Variants in NR2E3 observed in about 807,000 individuals in gnomAD.
The protein encoded by NR2E3 is photoreceptor-specific nuclear receptor.
A neutral mutation model predicts 37.6 loss-of-function variants in NR2E3; 38 were observed. That is an observed-to-expected ratio of 1.01 (90% CI 0.78 to 1.33). NR2E3 has a LOEUF of 1.33. Ranked by LOEUF, NR2E3 falls within the 40% of genes most tolerant of loss-of-function variation. NR2E3 has a pLI of 0.00. For synonymous variants in NR2E3, 235 were observed against 225.1 expected, an observed-to-expected ratio of 1.04 and a Z score of -0.39; for missense variants, 562 against 558.7, an observed-to-expected ratio of 1.01 and a Z score of -0.06.
In NR2E3 at chr15:71,811,559, C is replaced by G. The variant is rs367603365; in HGVS notation, c.195C>G (p.Asn65Lys). The G allele has an allele frequency of 1.1e-5, 17 of 1,600,386 alleles. No individual in the cohort carries two copies. The Admixed American group carries it at 2.1e-4, about 20-fold the overall frequency. ...AGCACTATGGCATCTATGCCTGCAACGGCTGCAGCGGCTTCTTCAAGAGGA... is the reference window on the plus strand; with the variant it reads ...AGCACTATGGCATCTATGCCTGCAAGGGCTGCAGCGGCTTCTTCAAGAGGA... ...SGKHYGIYAC[N>K]GCSGFFKRSV... Residue 65 changes from asparagine (N) to lysine (K), a missense_variant, in exon 2 of 8, where the codon AAC (asparagine) becomes AAG (lysine). Coordinates refer to ENST00000617575, the MANE Select transcript of NR2E3 (RefSeq NM_014249.4). The surrounding 1 kb of genome is among the most constrained non-coding windows in gnomAD (Gnocchi z 5.6).
Position 71,812,461 on chromosome 15 carries a change from A to G in NR2E3, c.697A>G (p.Lys233Glu). The change falls in exon 5 of 8, where the codon AAG (lysine) becomes GAG (glutamate). Residue 233 changes from lysine to glutamate, a missense_variant. Lys to Glu is a moderately conservative substitution (Grantham distance 56). Transcript: ENST00000617575. Reference sequence around the variant, plus strand: ...GGCTCGCCTACTCTTCATGGCCGTCAAGTGGGCCAAGAACCTGCCTGTGTT... The same window carrying G: ...GGCTCGCCTACTCTTCATGGCCGTCGAGTGGGCCAAGAACCTGCCTGTGTT... ...TSARLLFMAV[K>E]WAKNLPVFSS... is the part of the protein sequence containing the mutation. 1 of 1,613,854 alleles carries G rather than the reference A, an allele frequency of 6.2e-7. No individual in the cohort carries two copies. The highest frequency in any genetic ancestry group is 1.7e-4 in the Middle Eastern group (1 of 6,060).
intron 7 of NR2E3, chr15:71,814,519 A>T (rs1047795688): frequency 3.0e-6 from 3 of 1,003,342 alleles, no homozygotes; most frequent in Admixed American, 5.5e-5. Context: ...AAAGGGAGAG[A>T]GGGGCAAGCA....
Position 71,813,151 on chromosome 15 carries a change from G to A in NR2E3, c.748-238G>A, listed in dbSNP as rs1380774122. Among the ~76,000 whole-genome samples the A allele has an allele frequency of 6.6e-6, 1 of 152,212 alleles. No homozygotes were observed. The highest frequency in any genetic ancestry group is 1.5e-5 in the Non-Finnish European group (1 of 68,052). ...GCTGCCCAACTTCCAATGGCTCTGG[G>A]CGTTCCTAAATGTCCCAGCTGCAGC... is the stretch of plus-strand genomic sequence containing the variant. On this transcript the variant is annotated intron_variant, in intron 5 of 7. Transcript: ENST00000617575. This position sits in a 1 kb window ranked among gnomAD's most constrained non-coding sequence, Gnocchi z 4.7.
At chr15:71,812,695 C>T (rs144693933) in intron 5 of NR2E3, among the ~76,000 whole-genome samples, 184 bp downstream of exon 5, 9 of 152,198 alleles carry the variant, frequency 5.9e-5, no homozygotes, top group East Asian at 5.8e-4. Flanking sequence ...GGGATGGTGA[C>T]GGTGGGGGTG....
At position 71,810,609 on chromosome 15, in the gene NR2E3, G is replaced by T; in HGVS notation, c.-135G>T. ...TGAGGGGCTTCGGGACCTTGGGGCA[G>T]CTCCTGAGTTCAGACAGAGTTCAGG... On this transcript the variant is annotated 5_prime_UTR_variant, in exon 1 of 8. Transcript: ENST00000617575. 7.4e-7 allele frequency: 1 copy of T among 1,352,218 alleles called. No individual in the cohort carries two copies. 83.8% of individuals were successfully genotyped at this position (1,352,218 alleles called of 1,614,324 possible).
intron 7 of NR2E3, chr15:71,814,543 G>C: frequency 1.0e-6 from 1 of 981,772 alleles, no homozygotes; most frequent in Non-Finnish European, 1.2e-6. Flanking sequence ...TATGTTGTTA[G>C]AACAGGAGCC....
intron 5 of NR2E3, among the ~76,000 whole-genome samples, 166 bp downstream of exon 5, chr15:71,812,677 G>C (rs977110189): frequency 1.3e-5 from 2 of 152,180 alleles, no homozygotes; most frequent in African/African-American, 2.4e-5. Context: ...TGGCTGGGGT[G>C]CATCTCAGGG....
chr15:71,814,281 G>C, intron 7 of NR2E3, 164 bp downstream of exon 7: 2 of 1,417,002 alleles, frequency 1.4e-6, no homozygotes. Flanking sequence ...CAGGCCCCGG[G>C]AGTGGGGACC....
In NR2E3 at chr15:71,812,330, C is replaced by T. The variant is rs948094961; in HGVS notation, c.572-6C>T. On this transcript the variant is annotated splice_polypyrimidine_tract_variant and splice_region_variant and intron_variant, in intron 4 of 7. Coordinates refer to ENST00000617575, the MANE Select transcript of NR2E3 (RefSeq NM_014249.4). ...GCGCTAAGATCACAACCTCCTCCTC[C>T]AACAGCTGATGAGAATATTGATGTC... 8 of 1,613,966 alleles carry T rather than the reference C, an allele frequency of 5.0e-6. No individual in the cohort carries two copies. The highest frequency in any genetic ancestry group is 1.1e-5 in the South Asian group (1 of 91,078).
chr15:71,812,236 T>C, intron 4 of NR2E3, 60 bp downstream of exon 4: 2 of 1,605,758 alleles, frequency 1.2e-6, no homozygotes, highest in Non-Finnish European at 1.7e-6. Flanking sequence ...ACAGCAGGGC[T>C]GCAGCGCCTT....
At position 71,811,473 on chromosome 15, in the gene NR2E3, T is replaced by TGCCCCTCAGGCGTGA; in HGVS notation, c.119-2_131dup. 1 of 1,550,662 alleles carries TGCCCCTCAGGCGTGA rather than the reference T, an allele frequency of 6.4e-7. No individual in the cohort carries two copies. Among genetic ancestry groups the TGCCCCTCAGGCGTGA allele is most frequent in the Admixed American group, 2.0e-5 (1 of 51,018 alleles). ...CCTGCCCTGGCCCAGCCCTGCCCCC[T>TGCCCCTCAGGCGTGA]GCCCCTCAGGCGTGAGCCCCTCGCT... is the stretch of plus-strand genomic sequence containing the variant. On this transcript the variant is annotated splice_polypyrimidine_tract_variant and intron_variant, in intron 1 of 7. Transcript: ENST00000617575. This position sits in a 1 kb window ranked among gnomAD's most constrained non-coding sequence, Gnocchi z 5.6.
intron 7 of NR2E3, 164 bp downstream of exon 7, chr15:71,814,281 G>A: frequency 1.4e-6 from 2 of 1,417,002 alleles, no homozygotes; most frequent in Non-Finnish European, 1.8e-6. Flanking sequence ...CAGGCCCCGG[G>A]AGTGGGGACC....
chr15:71,811,502 G>T lies in NR2E3; in HGVS notation c.138G>T (p.Gln46His). Residue 46 changes from glutamine (Q) to histidine (H), a missense_variant, in exon 2 of 8, where the codon CAG becomes CAT. Coordinates refer to ENST00000617575, the MANE Select transcript of NR2E3 (RefSeq NM_014249.4). This position sits in a 1 kb window ranked among gnomAD's most constrained non-coding sequence, Gnocchi z 5.6. The part of the protein sequence containing the change: ...EDPTGVSPSL[Q>H]CRVCGDSSSG... ...CCTCAGGCGTGAGCCCCTCGCTCCAGTGCCGCGTGTGCGGAGACAGCAGCA... is the reference window on the plus strand; with the variant it reads ...CCTCAGGCGTGAGCCCCTCGCTCCATTGCCGCGTGTGCGGAGACAGCAGCA... The T allele has an allele frequency of 3.2e-6, 5 of 1,562,680 alleles. No individual in the cohort carries two copies. The highest frequency in any genetic ancestry group is 4.3e-6 in the Non-Finnish European group (5 of 1,154,158).
Position 71,811,591 on chromosome 15 carries a change from G to C in NR2E3, c.227G>C (p.Arg76Pro). Residue 76 changes from arginine (R) to proline (P), a missense_variant, in exon 2 of 8, where the codon CGG becomes CCG. Physicochemically the swap from Arg to Pro is moderately radical, Grantham distance 103. Transcript: ENST00000617575. This position sits in a 1 kb window ranked among gnomAD's most constrained non-coding sequence, Gnocchi z 5.6. ...GCSGFFKRSV[R>P]RRLIYRCQVG... ...AGCGGCTTCTTCAAGAGGAGCGTAC[G>C]GCGGAGGCTCATCTACAGGTGAGTG... 6.2e-7 allele frequency: 1 copy of C among 1,604,280 alleles called. No homozygotes were observed. Among genetic ancestry groups the C allele is most frequent in the East Asian group, 2.3e-5 (1 of 44,392 alleles).
chr15:71,814,266 A>G, intron 7 of NR2E3, 149 bp downstream of exon 7: 1 of 1,429,134 alleles, frequency 7.0e-7, no homozygotes, highest in East Asian at 2.5e-5. Context: ...TCCCAGGCAC[A>G]GTGCCAGGCC....
Position 71,812,027 on chromosome 15 carries a change from C to T in NR2E3, c.422C>T (p.Ser141Phe). 6.4e-7 allele frequency: 1 copy of T among 1,554,478 alleles called. No individual in the cohort carries two copies. The highest frequency in any genetic ancestry group is 8.7e-7 in the Non-Finnish European group (1 of 1,149,142). The change falls in exon 4 of 8, where the codon TCC becomes TTC. Residue 141 changes from serine to phenylalanine, a missense_variant. Transcript: ENST00000617575. ...HLDSMESNTESRPESLVAPPA... is the reference protein window; with the variant it reads ...HLDSMESNTEFRPESLVAPPA... ...GACAGCATGGAGTCCAACACTGAGT[C>T]CCGGCCGGAGTCCCTGGTGGCTCCC...
chr15:71,814,971 G>A (rs1595957937), intron 7 of NR2E3: 1 of 934,048 alleles, frequency 1.1e-6, no homozygotes, highest in East Asian at 1.2e-4. Context: ...AAGCCAGGAG[G>A]AAAGACGGTT....
At position 71,811,729 on chromosome 15, in the gene NR2E3, G is replaced by C. The variant is rs1202189733; in HGVS notation, c.246-37G>C. The C allele has an allele frequency of 6.5e-7, 1 of 1,545,980 alleles. No homozygotes were observed. Among genetic ancestry groups the C allele is most frequent in the African/African-American group, 1.4e-5 (1 of 73,104 alleles). On this transcript the variant is annotated intron_variant, in intron 2 of 7. Transcript: ENST00000617575. This position sits in a 1 kb window ranked among gnomAD's most constrained non-coding sequence, Gnocchi z 5.6. ...CAAGCCCATGGCTCAGGGCATGGGA[G>C]GGACACTGACCCCTGGGGTCTCCTC...
chr15:71,814,766 A>G, intron 7 of NR2E3: 1 of 985,502 alleles, frequency 1.0e-6, no homozygotes, highest in Non-Finnish European at 1.2e-6. Context: ...TCCAGAGGAT[A>G]CTACTGGGAA....
Sources: allele counts gnomAD v4.1 joint callset (sites outside exome capture counted in the v4.1 genomes callset), GRCh38; gene constraint gnomAD v4.1.1; non-coding constraint Gnocchi (gnomAD v3.1); transcripts MANE v1.5; gene names NCBI Gene and HGNC (gene_info 2026-07-23, HGNC 2026-07-21).